The following KCNQ2 variants were observed in gnomAD, a reference collection of about 807,000 sequenced individuals.
KCNQ2 encodes potassium voltage-gated channel subfamily Q member 2.
A neutral mutation model predicts 84.8 loss-of-function variants in KCNQ2; 14 were observed. The ratio of observed to expected loss-of-function variants is 0.17; its 90% CI spans 0.11 to 0.26. KCNQ2 has a LOEUF of 0.26. KCNQ2 is among the 10% of genes least tolerant of loss of function. The probability of loss-of-function intolerance (pLI) is 1.00; values close to 1 mark genes in which losing one functional copy is unlikely to be tolerated. For missense variants in KCNQ2, 788 were observed against 1,254.0 expected (o/e 0.63, Z 5.61); for synonymous variants, 599 against 554.1 (o/e 1.08, Z -1.14).
Position 63,442,656 on chromosome 20 carries a change from CCACCAT to C in KCNQ2, c.691-131_691-126del, listed in dbSNP as rs879174089. 6.7e-5 allele frequency: 41 copies of C among 610,740 alleles called. 4 individuals are homozygous for C. Among genetic ancestry groups the C allele is most frequent in the South Asian group, 2.6e-4 (17 of 65,636 alleles). 37.8% of individuals were successfully genotyped at this position (610,740 alleles called of 1,614,324 possible). A position where few individuals can be genotyped will look rare whatever the true frequency, so the allele number is the denominator to read the frequency against. The stretch of plus-strand genomic sequence containing the variant: ...ATCACCACCACCAAAACCATCACCA[CCACCAT>C]CACCACCACCACCACCACCACCATC... On this transcript the variant is annotated intron_variant, in intron 4 of 16. Coordinates refer to ENST00000359125, the MANE Select transcript of KCNQ2 (RefSeq NM_172107.4).
Position 63,446,781 on chromosome 20 carries a change from T to G in KCNQ2, c.353A>C (p.Tyr118Ser). ...GAGGGCCCCCTCCGAGCTCTTCTCA[T>G]ACTCCTTGATGGTGGAAAACACAGA... Reference protein sequence around the residue: ...VLSVFSTIKEYEKSSEGALYI... With the variant: ...VLSVFSTIKESEKSSEGALYI... Residue 118 changes from tyrosine (Y) to serine (S), a missense_variant, in exon 2 of 17, where the codon TAT becomes TCT. Coordinates refer to ENST00000359125, the MANE Select transcript of KCNQ2 (RefSeq NM_172107.4). The surrounding 1 kb of genome is among the most constrained non-coding windows in gnomAD (Gnocchi z 5.5). 1 of 1,613,442 alleles carries G rather than the reference T, an allele frequency of 6.2e-7. No individual in the cohort carries two copies. The highest frequency in any genetic ancestry group is 8.5e-7 in the Non-Finnish European group (1 of 1,179,926).
chr20:63,472,512 G>T lies in KCNQ2; in HGVS notation c.-49C>A. The T allele has an allele frequency of 7.3e-7, 1 of 1,361,060 alleles. No homozygotes were observed. Among genetic ancestry groups the T allele is most frequent in the Non-Finnish European group, 9.4e-7 (1 of 1,060,558 alleles). 84.3% of individuals were successfully genotyped at this position (1,361,060 alleles called of 1,614,324 possible). A position where few individuals can be genotyped will look rare whatever the true frequency, so the allele number is the denominator to read the frequency against. On this transcript the variant is annotated 5_prime_UTR_variant, in exon 1 of 17. Coordinates refer to ENST00000359125, the MANE Select transcript of KCNQ2 (RefSeq NM_172107.4). Reference sequence around the variant, plus strand: ...GGTCGGGCTCAGGCTCAGCGGGGGCGGAGCGCGGGGGGCGGCGCGGGCCCC... The same window carrying T: ...GGTCGGGCTCAGGCTCAGCGGGGGCTGAGCGCGGGGGGCGGCGCGGGCCCC...
intron 15 of KCNQ2, chr20:63,412,407 C>T: frequency 6.1e-6 from 1 of 163,972 alleles, no homozygotes; most frequent in Non-Finnish European, 1.3e-5. Flanking sequence ...CACACACACG[C>T]ACACGCACAC....
rs779543926 is a variant in KCNQ2, at chr20:63,413,588, G to C, written c.1632-7C>G. 3.1e-6 allele frequency: 5 copies of C among 1,611,206 alleles called. No individual in the cohort carries two copies. Among genetic ancestry groups the C allele is most frequent in the African/African-American group, 1.3e-5 (1 of 75,020 alleles). On this transcript the variant is annotated splice_region_variant and splice_polypyrimidine_tract_variant and intron_variant, in intron 14 of 16. Transcript: ENST00000359125. ...CACCAGGAACCGCATGACACTGCAG[G>C]GGGGTGGGTGGGGCTGTGAGCCCTG... is the stretch of plus-strand genomic sequence containing the variant.
At chr20:63,451,993 T>A (rs2081628458) in intron 1 of KCNQ2, among the ~76,000 whole-genome samples, 1 of 152,212 alleles carries the variant, frequency 6.6e-6, no homozygotes, top group Admixed American at 6.5e-5. Flanking sequence ...GACCACACAG[T>A]CTGAAGCAGA....
intron 8 of KCNQ2, 88 bp downstream of exon 8, chr20:63,433,721 A>G: frequency 1.2e-6 from 2 of 1,608,466 alleles, no homozygotes; most frequent in Non-Finnish European, 1.7e-6. Context: ...ATCAATCAAA[A>G]TAATGAACAA....
At position 63,438,525 on chromosome 20, in the gene KCNQ2, CACAG is replaced by C; in HGVS notation, c.1023+96_1023+99del. On this transcript the variant is annotated intron_variant, in intron 7 of 16. Transcript: ENST00000359125. This position sits in a 1 kb window ranked among gnomAD's most constrained non-coding sequence, Gnocchi z 5.1. ...CAGAGGGTGAGCGCTGTGGCCCATC[CACAG>C]ACAGGGCAATGCCAAAGCCCCAGCG... 3.1e-6 allele frequency: 3 copies of C among 979,516 alleles called. No individual in the cohort carries two copies. The highest frequency in any genetic ancestry group is 4.9e-6 in the Non-Finnish European group (3 of 611,520). 60.7% of individuals were successfully genotyped at this position (979,516 alleles called of 1,614,324 possible). A position where few individuals can be genotyped will look rare whatever the true frequency, so the allele number is the denominator to read the frequency against.
intron 1 of KCNQ2, among the ~76,000 whole-genome samples, chr20:63,450,814 A>G (rs549272358): frequency 6.6e-6 from 1 of 151,974 alleles, no homozygotes; most frequent in Non-Finnish European, 1.5e-5. Flanking sequence ...ACCAAGAAGG[A>G]TAAGATGTCT....
At chr20:63,448,036 T>A (rs1361872530) in intron 1 of KCNQ2, 1 of 152,248 alleles carries the variant, frequency 6.6e-6, no homozygotes, top group Non-Finnish European at 1.5e-5. Flanking sequence ...GGAACCCGGC[T>A]TGTGGCTGCA....
At position 63,413,438 on chromosome 20, in the gene KCNQ2, C is replaced by A. The variant is rs375583371; in HGVS notation, c.1763+12G>T. ...TCTTGTCCCCTGCTGGACAGGCAGGCGGGGCTCTTGCCTGGACTGCAGGCT... is the reference window on the plus strand; with the variant it reads ...TCTTGTCCCCTGCTGGACAGGCAGGAGGGGCTCTTGCCTGGACTGCAGGCT... On this transcript the variant is annotated intron_variant, in intron 15 of 16. Transcript: ENST00000359125. The A allele has an allele frequency of 4.3e-6, 7 of 1,612,564 alleles. No individual in the cohort carries two copies. Among genetic ancestry groups the A allele is most frequent in the Non-Finnish European group, 3.4e-6 (4 of 1,179,890 alleles).
chr20:63,434,965 G>T (rs1383006946), intron 7 of KCNQ2, among the ~76,000 whole-genome samples: 1 of 152,170 alleles, frequency 6.6e-6, no homozygotes, highest in African/African-American at 2.4e-5. Context: ...TAGAATGGCC[G>T]GGTCACGTGA....
In KCNQ2 at chr20:63,401,058, C is replaced by T. The variant is rs868194122; in HGVS notation, c.*5586G>A. The T allele has an allele frequency of 3.3e-5, 13 of 394,292 alleles. No homozygotes were observed. Among genetic ancestry groups the T allele is most frequent in the African/African-American group, 2.1e-4 (10 of 48,520 alleles). 24.4% of individuals were successfully genotyped at this position (394,292 alleles called of 1,614,324 possible). ...CGGCCCCTCCTTGCTGGCGCCTGGC[C>T]GAGAGTCAGACGCTGAGGACCTCTC... On this transcript the variant is annotated 3_prime_UTR_variant, in exon 17 of 17. Transcript: ENST00000359125.
intron 1 of KCNQ2, among the ~76,000 whole-genome samples, chr20:63,458,213 G>A (rs917053685): frequency 6.6e-6 from 1 of 152,004 alleles, no homozygotes; most frequent in Non-Finnish European, 1.5e-5. Flanking sequence ...CACTGAGCCC[G>A]CAGAGAAGCG....
intron 1 of KCNQ2, among the ~76,000 whole-genome samples, chr20:63,461,376 C>A (rs1312216078): frequency 6.6e-6 from 1 of 152,152 alleles, no homozygotes; most frequent in Admixed American, 6.5e-5. Context: ...GTGTACCTTG[C>A]CCCAGCAGCC....
At chr20:63,432,862 TCAGGGAAGGCTCCACCCA>T (rs2080868246) in intron 8 of KCNQ2, among the ~76,000 whole-genome samples, 1 of 141,794 alleles carries the variant, frequency 7.1e-6, no homozygotes. Flanking sequence ...GGATCCACCC[TCAGGGAAGGCTCCACCCA>T]CAGGGAAGGC....
chr20:63,418,811 C>T (rs557726110), intron 12 of KCNQ2, among the ~76,000 whole-genome samples: 2 of 152,202 alleles, frequency 1.3e-5, no homozygotes, highest in Non-Finnish European at 2.9e-5. Flanking sequence ...GAGTCGCGGG[C>T]CCCCCATGGA....
At chr20:63,436,308 G>C (rs1201121669) in intron 7 of KCNQ2, among the ~76,000 whole-genome samples, 3 of 152,192 alleles carry the variant, frequency 2.0e-5, no homozygotes, top group Non-Finnish European at 4.4e-5. Context: ...AAGGCGGGAG[G>C]ATCACGAAGT....
chr20:63,444,936 G>GGAAGGT (rs1341501408), intron 3 of KCNQ2, 102 bp from the exon 4 acceptor site: 1 of 1,312,520 alleles, frequency 7.6e-7, no homozygotes, highest in African/African-American at 1.5e-5. Context: ...CAGAGGGGCG[G>GGAAGGT]GAAGGTGTAT....
At chr20:63,434,851 T>C (rs975838021) in intron 7 of KCNQ2, 3 of 152,284 alleles carry the variant, frequency 2.0e-5, no homozygotes, top group African/African-American at 7.2e-5. Context: ...TTTCAGCTGT[T>C]TCCACTTTTT....
Sources: allele counts gnomAD v4.1 joint callset (sites outside exome capture counted in the v4.1 genomes callset), GRCh38; gene constraint gnomAD v4.1.1; non-coding constraint Gnocchi (gnomAD v3.1); transcripts MANE v1.5; gene names NCBI Gene and HGNC (gene_info 2026-07-23, HGNC 2026-07-21).